Variants in PPP2R2D observed in about 807,000 individuals in gnomAD.
PPP2R2D encodes protein phosphatase 2 regulatory subunit Bdelta, also known as serine/threonine-protein phosphatase 2A 55 kDa regulatory subunit B delta isoform.
PPP2R2D carries 9 observed loss-of-function variants against 31.1 expected under a neutral mutation model. The observed-to-expected ratio is 0.29, with a 90% CI of 0.17 to 0.51. The LOEUF is 0.51. PPP2R2D is among the 20% of genes least tolerant of loss of function. PPP2R2D has a pLI of 0.98. For synonymous variants in PPP2R2D, 179 were observed against 172.6 expected (o/e 1.04, Z -0.29); for missense variants, 391 against 465.6 (o/e 0.84, Z 1.48).
At chr10:131,954,131 C>T (rs1011298339) in intron 8 of PPP2R2D, among the ~76,000 whole-genome samples, 10 of 152,204 alleles carry the variant, frequency 6.6e-5, no homozygotes, top group Non-Finnish European at 1.0e-4. Flanking sequence ...CCTTCCTGGG[C>T]CAGCACCAGG....
chr10:131,958,159 G>C lies in PPP2R2D; in HGVS notation c.*2196G>C. The C allele has an allele frequency of 6.1e-6, 1 of 164,166 alleles. No individual in the cohort carries two copies. The highest frequency in any genetic ancestry group is 1.1e-4 in the South Asian group (1 of 9,394). 10.2% of individuals were successfully genotyped at this position (164,166 alleles called of 1,614,324 possible). Reference sequence around the variant, plus strand: ...CCCTGTGGAGATGAAGGGGTGTGCTGATCCCCCATGCCCTGTGGAGATGGA... The same window carrying C: ...CCCTGTGGAGATGAAGGGGTGTGCTCATCCCCCATGCCCTGTGGAGATGGA... On this transcript the variant is annotated 3_prime_UTR_variant, in exon 9 of 9. Coordinates refer to ENST00000455566, the MANE Select transcript of PPP2R2D (RefSeq NM_018461.5).
chr10:131,908,214 C>T (rs2035628361), intron 2 of PPP2R2D, among the ~76,000 whole-genome samples: 2 of 152,138 alleles, frequency 1.3e-5, no homozygotes, highest in South Asian at 2.1e-4. Context: ...TCCACTGGGC[C>T]TGGCCTCTTA....
downstream of PPP2R2D, among the ~76,000 whole-genome samples, chr10:131,963,625 G>A (rs2036948149): frequency 6.6e-6 from 1 of 152,252 alleles, no homozygotes; most frequent in African/African-American, 2.4e-5. Context: ...GTCGGACGCG[G>A]CTTCTGACGC....
At chr10:131,920,188 CGTG>C (rs1230338951) in intron 2 of PPP2R2D, among the ~76,000 whole-genome samples, 2 of 136,304 alleles carry the variant, frequency 1.5e-5, no homozygotes, top group East Asian at 2.2e-4. Context: ...AGGGACCTGA[CGTG>C]GGTGGAATGA....
At chr10:131,942,323 G>T (rs1278215783) in intron 5 of PPP2R2D, among the ~76,000 whole-genome samples, 8 of 152,194 alleles carry the variant, frequency 5.3e-5, no homozygotes, top group African/African-American at 1.9e-4. Context: ...AAATAAAACG[G>T]GTATAATTGG....
intron 2 of PPP2R2D, among the ~76,000 whole-genome samples, chr10:131,933,046 A>G (rs1554895907): frequency 2.0e-5 from 3 of 152,202 alleles, no homozygotes; most frequent in African/African-American, 7.2e-5. Context: ...TCCAATACAT[A>G]ATATTTTAGT....
At chr10:131,934,335 G>T (rs2036300236) in intron 2 of PPP2R2D, 123 bp from the exon 3 acceptor site, 1 of 627,108 alleles carries the variant, frequency 1.6e-6, no homozygotes, top group South Asian at 1.9e-5. Flanking sequence ...AGACAGTTTT[G>T]CTTTAGTCTC....
chr10:131,901,715 T>C (rs1419939376), intron 2 of PPP2R2D, among the ~76,000 whole-genome samples: 1 of 152,126 alleles, frequency 6.6e-6, no homozygotes, highest in Non-Finnish European at 1.5e-5. Flanking sequence ...GGAGTCCATA[T>C]CGTGCGCTCG....
chr10:131,916,245 A>G (rs9419374), intron 2 of PPP2R2D, among the ~76,000 whole-genome samples: 105,532 of 151,876 alleles, frequency 0.69, 37,343 homozygotes, highest in African/African-American at 0.84. Context: ...GTTCGCATCT[A>G]TATGTCAGCA....
chr10:131,934,612 T>C, intron 3 of PPP2R2D, 57 bp downstream of exon 3: 1 of 748,432 alleles, frequency 1.3e-6, no homozygotes, highest in Non-Finnish European at 2.5e-6. Flanking sequence ...CGCATATAAC[T>C]TAGAAGGGAG....
intron 2 of PPP2R2D, among the ~76,000 whole-genome samples, chr10:131,921,339 A>G (rs1363899200): frequency 6.6e-6 from 1 of 152,182 alleles, no homozygotes; most frequent in Non-Finnish European, 1.5e-5. Context: ...ACCATGAGTA[A>G]AGGCGCTGCC....
intron 2 of PPP2R2D, among the ~76,000 whole-genome samples, chr10:131,915,786 CAGAT>C (rs1554892979): frequency 1.3e-5 from 2 of 152,194 alleles, no homozygotes; most frequent in African/African-American, 2.4e-5. Flanking sequence ...TTTATGGTAA[CAGAT>C]AGATGTTGTT....
Position 131,945,354 on chromosome 10 carries a change from G to A in PPP2R2D, c.715G>A (p.Glu239Lys), listed in dbSNP as rs782714817. Residue 239 changes from glutamate (E) to lysine (K), a missense_variant, in exon 7 of 9, where the codon GAG (glutamate) becomes AAG (lysine). Coordinates refer to ENST00000455566, the MANE Select transcript of PPP2R2D (RefSeq NM_018461.5). The surrounding 1 kb of genome is among the most constrained non-coding windows in gnomAD (Gnocchi z 4.8). ...EELTEVITAA[E>K]FHPHQCNVFV... is the part of the protein sequence containing the mutation. ...GCTGACCGAAGTCATCACTGCAGCC[G>A]AGTTCCACCCGCACCAGTGCAACGT... The A allele has an allele frequency of 1.9e-6, 3 of 1,614,184 alleles. No individual in the cohort carries two copies. The highest frequency in any genetic ancestry group is 1.1e-5 in the South Asian group (1 of 91,086).
chr10:131,931,471 C>CCGAG (rs1434122196), intron 2 of PPP2R2D, among the ~76,000 whole-genome samples: 3 of 152,188 alleles, frequency 2.0e-5, no homozygotes, highest in Non-Finnish European at 4.4e-5. Context: ...CCTCAGCCTC[C>CCGAG]CGAGTAGCTG....
At chr10:131,950,190 G>GA (rs1431055837) in intron 8 of PPP2R2D, among the ~76,000 whole-genome samples, 1 of 152,000 alleles carries the variant, frequency 6.6e-6, no homozygotes, top group Non-Finnish European at 1.5e-5. Context: ...GAGCCAAACA[G>GA]AAAACAAGAG....
At chr10:131,934,688 G>A in intron 3 of PPP2R2D, 133 bp downstream of exon 3, 1 of 665,530 alleles carries the variant, frequency 1.5e-6, no homozygotes. Context: ...TAGCCATACA[G>A]AATCTCCTTT....
intron 3 of PPP2R2D, among the ~76,000 whole-genome samples, chr10:131,937,681 T>C (rs995102035): frequency 3.3e-5 from 5 of 152,234 alleles, no homozygotes; most frequent in African/African-American, 1.2e-4. Flanking sequence ...AGGCAGCACT[T>C]TGACTTGGAC....
intron 6 of PPP2R2D, among the ~76,000 whole-genome samples, chr10:131,944,473 A>G (rs2036499506): frequency 6.6e-6 from 1 of 152,194 alleles, no homozygotes; most frequent in Admixed American, 6.5e-5. Context: ...TTGCTAATGA[A>G]TAATAGAAAA....
At position 131,945,299 on chromosome 10, in the gene PPP2R2D, C is replaced by A; in HGVS notation, c.660C>A (p.Ile220=). 2 of 1,613,010 alleles carry A rather than the reference C, an allele frequency of 1.2e-6. No homozygotes were observed. The highest frequency in any genetic ancestry group is 1.7e-6 in the Non-Finnish European group (2 of 1,179,372). The change falls in exon 7 of 9, where the codon ATC becomes ATA. Residue 220 remains isoleucine (I), a synonymous_variant. Transcript: ENST00000455566. This position sits in a 1 kb window ranked among gnomAD's most constrained non-coding sequence, Gnocchi z 4.8. The part of the protein sequence containing the change: ...HLEITDRSFN[I]VDIKPANMEE... ...GCCTTAACCATGCACTCCCAGACAT[C>A]GTGGACATCAAGCCTGCTAACATGG...
Sources: allele counts gnomAD v4.1 joint callset (sites outside exome capture counted in the v4.1 genomes callset), GRCh38; gene constraint gnomAD v4.1.1; non-coding constraint Gnocchi (gnomAD v3.1); transcripts MANE v1.5; gene names NCBI Gene and HGNC (gene_info 2026-07-23, HGNC 2026-07-21).